The following SSBP2 variants were observed in gnomAD, a reference collection of about 807,000 sequenced individuals.
SSBP2 encodes single-stranded DNA-binding protein 2.
Under a neutral mutation model 61.8 loss-of-function variants are expected in SSBP2, and 17 were observed. That is an observed-to-expected ratio of 0.28 (90% CI 0.19 to 0.41). The LOEUF (loss-of-function observed/expected upper bound fraction) is 0.41. SSBP2 is among the 10% of genes least tolerant of loss of function. The pLI is 1.00. For synonymous variants in SSBP2, 139 were observed against 141.3 expected (o/e 0.98, Z 0.12); for missense variants, 310 against 458.7 (o/e 0.68, Z 2.96).
intron 14 of SSBP2, among the ~76,000 whole-genome samples, chr5:81,440,082 C>T (rs1383671739): frequency 1.3e-5 from 2 of 152,096 alleles, no homozygotes; most frequent in Non-Finnish European, 1.5e-5. Flanking sequence ...ATATGATTAA[C>T]AATTTTATGT....
rs1451764590 is a variant in SSBP2 at position 81,687,275 on chromosome 5, T to C, written c.63-36936A>G. ...GAGAGCAACACCGAACAGAACTCAG[T>C]TGGCACTCATGGAGGGAGCATATAG... On this transcript the variant is annotated intron_variant, in intron 1 of 16. Coordinates refer to ENST00000320672, the MANE Select transcript of SSBP2 (RefSeq NM_012446.5). Among the ~76,000 whole-genome samples the C allele has an allele frequency of 3.9e-5, 6 of 152,178 alleles. No homozygotes were observed. In the South Asian group the frequency reaches 6.2e-4, roughly 16 times the overall value.
chr5:81,686,907 A>G (rs1478959068), intron 1 of SSBP2, among the ~76,000 whole-genome samples: 1 of 150,706 alleles, frequency 6.6e-6, no homozygotes, highest in Non-Finnish European at 1.5e-5. Context: ...AGAAAAGAAA[A>G]GAAAAGAAAA....
At chr5:81,587,623 G>A (rs554844814) in intron 4 of SSBP2, among the ~76,000 whole-genome samples, 8 of 152,162 alleles carry the variant, frequency 5.3e-5, no homozygotes, top group South Asian at 2.1e-4. Context: ...CCAGCTACTC[G>A]GGAGGCTGAG....
At chr5:81,689,366 A>G (rs558723889) in intron 1 of SSBP2, among the ~76,000 whole-genome samples, 22 of 152,274 alleles carry the variant, frequency 1.4e-4, no homozygotes, top group African/African-American at 4.8e-4. Context: ...TAAGTACAAT[A>G]AAGTTATAGA....
At chr5:81,440,902 GA>G (rs1014427508) in intron 13 of SSBP2, among the ~76,000 whole-genome samples, 14 of 151,824 alleles carry the variant, frequency 9.2e-5, no homozygotes, top group African/African-American at 3.4e-4. Flanking sequence ...GATATACTCA[GA>G]AAGTATATAC....
chr5:81,564,970 C>T (rs1421061442), intron 4 of SSBP2, among the ~76,000 whole-genome samples: 1 of 152,152 alleles, frequency 6.6e-6, no homozygotes, highest in Non-Finnish European at 1.5e-5. Flanking sequence ...AAAGCAATAC[C>T]ATGGCCTTGC....
intron 4 of SSBP2, among the ~76,000 whole-genome samples, chr5:81,611,571 G>A (rs1467925434): frequency 6.6e-6 from 1 of 152,064 alleles, no homozygotes; most frequent in Non-Finnish European, 1.5e-5. Context: ...AGAATATCAT[G>A]TTTTTTAAAT....
chr5:81,501,246 TATATATATATATATATATATATACAC>T lies in SSBP2; in HGVS notation c.373-11963_373-11938del, dbSNP rs1337338270. On this transcript the variant is annotated intron_variant, in intron 5 of 16. Transcript: ENST00000320672. ...ATATATATATATATATATATATATA[TATATATATATATATATATATATACAC>T]ACACACACACATGCACATACACCCA... Among the ~76,000 whole-genome samples the T allele has an allele frequency of 3.8e-3, 211 of 55,480 alleles. 23 individuals are homozygous for T. Among genetic ancestry groups the T allele is most frequent in the African/African-American group, 0.018 (135 of 7,470 alleles). The allele number at this position is 55,480 out of a possible 152,430, so 36.4% of individuals were successfully genotyped here.
chr5:81,724,851 C>A (rs1270438203), intron 1 of SSBP2, among the ~76,000 whole-genome samples: 1 of 152,006 alleles, frequency 6.6e-6, no homozygotes, highest in African/African-American at 2.4e-5. Flanking sequence ...ACAGAAATAA[C>A]AAATTATAAC....
intron 4 of SSBP2, among the ~76,000 whole-genome samples, chr5:81,538,152 G>A (rs1770961150): frequency 6.6e-6 from 1 of 152,156 alleles, no homozygotes; most frequent in African/African-American, 2.4e-5. Flanking sequence ...AAAAGTTCTT[G>A]AAGGAAATTA....
At chr5:81,679,383 A>G (rs1206524330) in intron 1 of SSBP2, among the ~76,000 whole-genome samples, 1 of 152,216 alleles carries the variant, frequency 6.6e-6, no homozygotes, top group African/African-American at 2.4e-5. Context: ...TTGATTATGT[A>G]TGCTTATATA....
intron 4 of SSBP2, among the ~76,000 whole-genome samples, chr5:81,558,773 A>G (rs1226132022): frequency 2.0e-5 from 3 of 152,290 alleles, no homozygotes; most frequent in Admixed American, 6.5e-5. Flanking sequence ...TCTCTTTGAC[A>G]TAAGGTTCCA....
rs1761189474 is a variant in SSBP2 at position 81,412,808 on chromosome 5, C to G, written c.*7696G>C. On this transcript the variant is annotated 3_prime_UTR_variant, in exon 17 of 17. Coordinates refer to ENST00000320672, the MANE Select transcript of SSBP2 (RefSeq NM_012446.5). Reference sequence around the variant, plus strand: ...CTCACATTATGTATAGTCATATTTGCAGTAAAATACCAAAGTTTAATTCAT... The same window carrying G: ...CTCACATTATGTATAGTCATATTTGGAGTAAAATACCAAAGTTTAATTCAT... Among the ~76,000 whole-genome samples the G allele has an allele frequency of 6.6e-6, 1 of 152,260 alleles. No homozygotes were observed. The highest frequency in any genetic ancestry group is 1.9e-4 in the East Asian group (1 of 5,186).
At chr5:81,697,972 ACTT>A (rs1324468158) in intron 1 of SSBP2, among the ~76,000 whole-genome samples, 1 of 152,160 alleles carries the variant, frequency 6.6e-6, no homozygotes, top group African/African-American at 2.4e-5. Flanking sequence ...TTGAAAAATA[ACTT>A]CTTTACACTG....
intron 1 of SSBP2, among the ~76,000 whole-genome samples, chr5:81,724,586 C>G (rs1325488865): frequency 6.6e-6 from 1 of 151,924 alleles, no homozygotes; most frequent in Non-Finnish European, 1.5e-5. Flanking sequence ...TTGTATTCTA[C>G]AGGAAGAAAA....
intron 3 of SSBP2, among the ~76,000 whole-genome samples, chr5:81,632,259 A>C (rs896811453): frequency 9.2e-5 from 14 of 152,080 alleles, no homozygotes; most frequent in African/African-American, 3.1e-4. Context: ...GCTTCCTTTT[A>C]TTTGCACATT....
At chr5:81,612,642 T>A (rs1201613679) in intron 4 of SSBP2, among the ~76,000 whole-genome samples, 1 of 152,094 alleles carries the variant, frequency 6.6e-6, no homozygotes, top group Non-Finnish European at 1.5e-5. Flanking sequence ...GAAGTAACTA[T>A]AAAATAATAA....
chr5:81,562,394 TATATC>T (rs936169678), intron 4 of SSBP2, among the ~76,000 whole-genome samples: 8 of 152,166 alleles, frequency 5.3e-5, no homozygotes, highest in African/African-American at 1.9e-4. Flanking sequence ...TCATGAAACA[TATATC>T]ATAACTATGC....
chr5:81,540,192 G>A (rs1235368237), intron 4 of SSBP2, among the ~76,000 whole-genome samples: 2 of 152,112 alleles, frequency 1.3e-5, no homozygotes, highest in African/African-American at 4.8e-5. Flanking sequence ...GAATGGTGCC[G>A]CAATAAACAT....
Sources: allele counts gnomAD v4.1 joint callset (sites outside exome capture counted in the v4.1 genomes callset), GRCh38; gene constraint gnomAD v4.1.1; transcripts MANE v1.5; gene names NCBI Gene and HGNC (gene_info 2026-07-23, HGNC 2026-07-21).